Variants in SNTG1 observed in about 807,000 individuals in gnomAD.
The protein encoded by SNTG1 is gamma-1-syntrophin.
Under a neutral mutation model 74.7 loss-of-function variants are expected in SNTG1, and 39 were observed. The observed-to-expected ratio is 0.52, with a 90% CI of 0.40 to 0.68. SNTG1 has a LOEUF of 0.68. Among genes scored for constraint, SNTG1 ranks in the 30% least tolerant of loss-of-function variants. SNTG1 has a pLI of 0.00. For synonymous variants in SNTG1, 254 were observed against 217.1 expected (o/e 1.17, Z -1.49); for missense variants, 685 against 609.5 (o/e 1.12, Z -1.30).
chr8:50,466,554 C>G (rs888880275), intron 8 of SNTG1, among the ~76,000 whole-genome samples: 1 of 151,954 alleles, frequency 6.6e-6, no homozygotes, highest in Non-Finnish European at 1.5e-5. Flanking sequence ...TTTAAAATCA[C>G]TTTAAAATAT....
chr8:50,059,817 T>G (rs1024682965), intron 1 of SNTG1, among the ~76,000 whole-genome samples: 14 of 152,246 alleles, frequency 9.2e-5, no homozygotes, highest in Admixed American at 8.5e-4. Context: ...GTATAATTTT[T>G]TGTGTGGACA....
At chr8:50,778,054 A>G (rs565617805) in intron 18 of SNTG1, among the ~76,000 whole-genome samples, 23 of 152,298 alleles carry the variant, frequency 1.5e-4, no homozygotes, top group African/African-American at 5.5e-4. Context: ...ATGGCCGCAT[A>G]GTATTCCATG....
intron 1 of SNTG1, among the ~76,000 whole-genome samples, chr8:50,142,073 T>C (rs940196357): frequency 3.3e-5 from 5 of 152,300 alleles, no homozygotes; most frequent in Admixed American, 6.5e-5. Context: ...CATTTCTTTC[T>C]GGGTCACTAT....
intron 1 of SNTG1, among the ~76,000 whole-genome samples, chr8:50,113,959 T>C (rs534754132): frequency 4.6e-5 from 7 of 151,794 alleles, no homozygotes; most frequent in Non-Finnish European, 1.0e-4. Flanking sequence ...TAAATATGCA[T>C]GGATGTCTCA....
At chr8:50,214,768 TAAAATA>T (rs2084697024) in intron 2 of SNTG1, among the ~76,000 whole-genome samples, 1 of 151,984 alleles carries the variant, frequency 6.6e-6, no homozygotes, top group African/African-American at 2.4e-5. Flanking sequence ...GTTGGACACT[TAAAATA>T]AAAATAAAAG....
chr8:49,918,734 C>T (rs1365256314), intron 1 of SNTG1, among the ~76,000 whole-genome samples: 1 of 151,912 alleles, frequency 6.6e-6, no homozygotes, highest in East Asian at 1.9e-4. Flanking sequence ...TTCTTCTTTT[C>T]TAATCCTTGT....
At chr8:50,297,387 C>T (rs1047374598) in intron 2 of SNTG1, among the ~76,000 whole-genome samples, 3 of 152,160 alleles carry the variant, frequency 2.0e-5, no homozygotes, top group African/African-American at 4.8e-5. Context: ...ATGGCTCATT[C>T]CTACCATAGA....
At chr8:50,645,351 T>A (rs1036055979) in intron 13 of SNTG1, among the ~76,000 whole-genome samples, 3 of 152,108 alleles carry the variant, frequency 2.0e-5, no homozygotes, top group African/African-American at 4.8e-5. Context: ...TAATTTTTTT[T>A]ATATAATTTC....
At chr8:50,274,190 G>A (rs1322861895) in intron 2 of SNTG1, among the ~76,000 whole-genome samples, 2 of 151,902 alleles carry the variant, frequency 1.3e-5, no homozygotes, top group Non-Finnish European at 2.9e-5. Flanking sequence ...AGGTTCAAGC[G>A]ATTCTCCCAC....
rs1031302858 is a variant in SNTG1 at position 50,364,869 on chromosome 8, T to C, written c.-27-29343T>C. 3.9e-5 allele frequency among the ~76,000 whole-genome samples: 6 copies of C among 152,238 alleles called. No homozygotes were observed. In the East Asian group the frequency reaches 7.7e-4, roughly 20 times the overall value. On this transcript the variant is annotated intron_variant, in intron 2 of 18. Transcript: ENST00000642720. The stretch of plus-strand genomic sequence containing the variant: ...AAATCACAAAAATTAATAGTAATTA[T>C]GTGTTTTGGAAAAAGCTGAGTTTAA...
intron 1 of SNTG1, among the ~76,000 whole-genome samples, chr8:50,012,185 CCACATGAG>C (rs1815877449): frequency 1.3e-5 from 2 of 152,152 alleles, no homozygotes. Context: ...AGCACTTACA[CCACATGAG>C]CACATTGGCT....
At chr8:50,477,724 C>T (rs768126805) in intron 8 of SNTG1, among the ~76,000 whole-genome samples, 4 of 152,092 alleles carry the variant, frequency 2.6e-5, no homozygotes, top group Admixed American at 2.6e-4. Flanking sequence ...TATAGGAAAC[C>T]GGATGTGGGG....
At chr8:50,093,188 A>G (rs2079803493) in intron 1 of SNTG1, among the ~76,000 whole-genome samples, 1 of 152,156 alleles carries the variant, frequency 6.6e-6, no homozygotes, top group Non-Finnish European at 1.5e-5. Flanking sequence ...GTAATTCTCA[A>G]ACATTAATAT....
chr8:50,525,642 A>T (rs2094214026), intron 9 of SNTG1, among the ~76,000 whole-genome samples: 1 of 151,904 alleles, frequency 6.6e-6, no homozygotes, highest in Admixed American at 6.6e-5. Context: ...GCTATTGATT[A>T]TCTCTAGTGA....
Position 50,484,010 on chromosome 8 carries a change from T to C in SNTG1, c.364-18768T>C, listed in dbSNP as rs16919575. Reference sequence around the variant, plus strand: ...TATAAGTTATTTCCATCTAATGTGGTTATATCAAATATGTATATATGTATG... The same window carrying C: ...TATAAGTTATTTCCATCTAATGTGGCTATATCAAATATGTATATATGTATG... On this transcript the variant is annotated intron_variant, in intron 8 of 18. Transcript: ENST00000642720. Among the ~76,000 whole-genome samples the C allele has an allele frequency of 7.0e-3, 1,062 of 152,282 alleles. 16 individuals are homozygous for C. Among genetic ancestry groups the C allele is most frequent in the African/African-American group, 0.024 (1,001 of 41,562 alleles).
intron 8 of SNTG1, among the ~76,000 whole-genome samples, chr8:50,462,794 CTCTTTTTTTTTTTTTTTTTTT>C (rs1489113890): frequency 1.4e-4 from 6 of 43,628 alleles, no homozygotes; most frequent in East Asian, 9.4e-4. Flanking sequence ...TCAGGTTCTA[CTCTTTTTTTTTTTTTTTTTTT>C]TTTTTTTTTT....
At chr8:50,432,180 G>A (rs1212634157) in intron 4 of SNTG1, among the ~76,000 whole-genome samples, 6 of 152,080 alleles carry the variant, frequency 3.9e-5, no homozygotes, top group Admixed American at 2.6e-4. Context: ...ATGATACACT[G>A]TGTTAATTTT....
intron 2 of SNTG1, among the ~76,000 whole-genome samples, chr8:50,393,052 T>C (rs1223998131): frequency 6.6e-6 from 1 of 152,122 alleles, no homozygotes; most frequent in Non-Finnish European, 1.5e-5. Flanking sequence ...TATTTACAGG[T>C]TCTTCAAATA....
At chr8:50,431,175 G>C (rs945319870) in intron 4 of SNTG1, among the ~76,000 whole-genome samples, 1 of 152,112 alleles carries the variant, frequency 6.6e-6, no homozygotes, top group Non-Finnish European at 1.5e-5. Context: ...TACTCTTGGT[G>C]CTCTAAAGTT....
Sources: allele counts gnomAD v4.1 joint callset (sites outside exome capture counted in the v4.1 genomes callset), GRCh38; gene constraint gnomAD v4.1.1; transcripts MANE v1.5; gene names NCBI Gene and HGNC (gene_info 2026-07-23, HGNC 2026-07-21).